SKA1: variants seen among roughly 807,000 people sequenced by gnomAD.
SKA1 encodes the protein spindle and kinetochore associated complex subunit 1.
SKA1 carries 20 observed loss-of-function variants against 31.8 expected under a neutral mutation model. The ratio of observed to expected loss-of-function variants is 0.63; its 90% CI spans 0.44 to 0.91. The LOEUF is 0.91. SKA1 is among the 40% of genes least tolerant of loss of function. SKA1 has a pLI of 0.00. For missense variants in SKA1, 253 were observed against 298.2 expected (o/e 0.85, Z 1.12); for synonymous variants, 88 against 100.5 (o/e 0.88, Z 0.74).
intron 4 of SKA1, among the ~76,000 whole-genome samples, chr18:50,384,296 A>G (rs1235251742): frequency 2.6e-5 from 4 of 152,210 alleles, no homozygotes; most frequent in Non-Finnish European, 5.9e-5. Context: ...TATTATGTGT[A>G]GTTATAGCAG....
At chr18:50,389,234 T>G (rs952184626) in intron 5 of SKA1, among the ~76,000 whole-genome samples, 1 of 152,090 alleles carries the variant, frequency 6.6e-6, no homozygotes, top group South Asian at 2.1e-4. Flanking sequence ...TAGTGTTACC[T>G]CCTACTTAAA....
intron 2 of SKA1, among the ~76,000 whole-genome samples, chr18:50,376,781 A>C (rs1190100003): frequency 6.6e-6 from 1 of 151,702 alleles, no homozygotes. Context: ...GTGTACAAAA[A>C]TATTTTTATA....
At chr18:50,382,014 C>T (rs2041267605) in intron 3 of SKA1, 115 bp from the exon 4 acceptor site, 17 of 661,228 alleles carry the variant, frequency 2.6e-5, no homozygotes, top group Admixed American at 4.0e-5. Flanking sequence ...CATGAGCCAC[C>T]GCGTCCAGCC....
Position 50,389,625 on chromosome 18 carries a change from G to A in SKA1, c.450-1499G>A, listed in dbSNP as rs1025846290. 3.3e-5 allele frequency among the ~76,000 whole-genome samples: 5 copies of A among 152,146 alleles called. No homozygotes were observed. In the East Asian group the frequency reaches 9.7e-4, roughly 29 times the overall value. ...TTGGCCAGGCTGGTCTCAAACTCCT[G>A]ACCTCAAGTGATCCACCTGCCTCGG... On this transcript the variant is annotated intron_variant, in intron 5 of 6. Coordinates refer to ENST00000285116, the MANE Select transcript of SKA1 (RefSeq NM_145060.4).
rs374176197 is a variant in SKA1 at position 50,377,388 on chromosome 18, T to G, written c.88+1470T>G. On this transcript the variant is annotated intron_variant, in intron 2 of 6. Coordinates refer to ENST00000285116, the MANE Select transcript of SKA1 (RefSeq NM_145060.4). Reference sequence around the variant, plus strand: ...TTATTAAAAGGCAAGTTAAAAAAACTGATGTAGAGCTCCATAGGGGTAAAA... The same window carrying G: ...TTATTAAAAGGCAAGTTAAAAAAACGGATGTAGAGCTCCATAGGGGTAAAA... 7.2e-5 allele frequency among the ~76,000 whole-genome samples: 11 copies of G among 152,306 alleles called. No individual in the cohort carries two copies. In the East Asian group the frequency reaches 9.6e-4, roughly 13 times the overall value.
At chr18:50,378,293 G>A (rs1417013375) in intron 2 of SKA1, among the ~76,000 whole-genome samples, 5 of 152,090 alleles carry the variant, frequency 3.3e-5, no homozygotes, top group African/African-American at 9.7e-5. Flanking sequence ...CTGTCATTTT[G>A]TATGGGGGGA....
intron 3 of SKA1, 106 bp downstream of exon 3, chr18:50,380,356 A>T: frequency 8.2e-7 from 1 of 1,216,412 alleles, no homozygotes; most frequent in Non-Finnish European, 1.1e-6. Context: ...TTTTGTTTAT[A>T]AATTATTAAT....
At chr18:50,379,335 AT>A in intron 2 of SKA1, among the ~76,000 whole-genome samples, 1 of 152,280 alleles carries the variant, frequency 6.6e-6, no homozygotes, top group Non-Finnish European at 1.5e-5. Flanking sequence ...ACCCAGGGTT[AT>A]CACCAGCTTG....
intron 2 of SKA1, among the ~76,000 whole-genome samples, chr18:50,376,747 G>A (rs2156134): frequency 0.72 from 109,918 of 151,950 alleles, 39,883 homozygotes; most frequent in East Asian, 0.81. Flanking sequence ...TTTTCTAATA[G>A]CTTAAAACAA....
In SKA1 at chr18:50,392,231, G is replaced by A. The variant is rs375685203; in HGVS notation, c.752G>A (p.Arg251His). The change falls in exon 7 of 7, where the codon CGT (arginine) becomes CAT (histidine). Residue 251 changes from arginine to histidine, a missense_variant. Physicochemically the swap from Arg to His is conservative, Grantham distance 29 (BLOSUM62 0). Coordinates refer to ENST00000285116, the MANE Select transcript of SKA1 (RefSeq NM_145060.4). ...LSEVRGGGLTRYVIT is the reference protein window; with the variant it reads ...LSEVRGGGLTHYVIT Reference sequence around the variant, plus strand: ...GAGGTCCGAGGGGGAGGACTTACTCGTTATGTTATAACCTGAGTCCCTTGT... The same window carrying A: ...GAGGTCCGAGGGGGAGGACTTACTCATTATGTTATAACCTGAGTCCCTTGT... The A allele has an allele frequency of 1.3e-5, 21 of 1,591,364 alleles. No individual in the cohort carries two copies. The highest frequency in any genetic ancestry group is 6.7e-5 in the East Asian group (3 of 44,518).
intron 5 of SKA1, among the ~76,000 whole-genome samples, chr18:50,386,282 T>G (rs2041306922): frequency 6.6e-6 from 1 of 152,226 alleles, no homozygotes; most frequent in Non-Finnish European, 1.5e-5. Context: ...TAGACAAGGC[T>G]GTTTTGCAAT....
At chr18:50,376,748 C>G (rs746404794) in intron 2 of SKA1, among the ~76,000 whole-genome samples, 2 of 152,026 alleles carry the variant, frequency 1.3e-5, no homozygotes, top group Non-Finnish European at 2.9e-5. Context: ...TTTCTAATAG[C>G]TTAAAACAAA....
rs188799348 is a variant in SKA1 at position 50,391,378 on chromosome 18, T to C, written c.619+85T>C. ...AGAAATGTAGCTAGTTCTAGAAAAT[T>C]CTAAATCTAGAGTGTTAATTCCCAA... On this transcript the variant is annotated intron_variant, in intron 6 of 6. Coordinates refer to ENST00000285116, the MANE Select transcript of SKA1 (RefSeq NM_145060.4). 522 of 1,247,730 alleles carry C rather than the reference T, an allele frequency of 4.2e-4. 1 individual carries two copies. In the African/African-American group the frequency reaches 7.2e-3, roughly 17 times the overall value. The allele number at this position is 1,247,730 out of a possible 1,614,324, so 77.3% of individuals were successfully genotyped here. A position where few individuals can be genotyped will look rare whatever the true frequency, so the allele number is the denominator to read the frequency against.
chr18:50,389,745 C>G (rs925212431), intron 5 of SKA1, among the ~76,000 whole-genome samples: 1 of 152,184 alleles, frequency 6.6e-6, no homozygotes, highest in African/African-American at 2.4e-5. Flanking sequence ...GTTTGATGCT[C>G]TGATGCTATT....
intron 5 of SKA1, 99 bp downstream of exon 5, chr18:50,385,452 A>C (rs1184978693): frequency 7.3e-6 from 8 of 1,091,184 alleles, no homozygotes; most frequent in Non-Finnish European, 1.0e-5. Context: ...TGCTATGTTC[A>C]AATATTGATC....
chr18:50,377,184 G>C (rs910770357), intron 2 of SKA1, among the ~76,000 whole-genome samples: 1 of 151,870 alleles, frequency 6.6e-6, no homozygotes, highest in Non-Finnish European at 1.5e-5. Flanking sequence ...TTGTAATACT[G>C]GCATTAGAGT....
chr18:50,383,308 C>T (rs1444846611), intron 4 of SKA1, among the ~76,000 whole-genome samples: 1 of 152,252 alleles, frequency 6.6e-6, no homozygotes, highest in East Asian at 1.9e-4. Context: ...GTTTTCTGCC[C>T]TGCCACTGTG....
In SKA1 at chr18:50,380,244, A is replaced by T. The variant is rs747336967; in HGVS notation, c.207A>T (p.Ser69=). 2 of 1,543,372 alleles carry T rather than the reference A, an allele frequency of 1.3e-6. No individual in the cohort carries two copies. The highest frequency in any genetic ancestry group is 5.0e-5 in the East Asian group (2 of 40,294). ...EIQYQEQTNN[S]LKELCESLEE... ...AGTATCAAGAACAAACCAACAATTC[A>T]CTCAAGGTAATGTTTCTCTAATGAG... The change falls in exon 3 of 7, where the codon TCA becomes TCT. Residue 69 remains serine (S), a synonymous_variant. Coordinates refer to ENST00000285116, the MANE Select transcript of SKA1 (RefSeq NM_145060.4).
chr18:50,385,077 T>C (rs1168021106), intron 4 of SKA1, 139 bp from the exon 5 acceptor site: 1 of 649,694 alleles, frequency 1.5e-6, no homozygotes, highest in Admixed American at 2.9e-5. Flanking sequence ...ACAATAGACA[T>C]AGGGATAGAA....
Sources: gnomAD v4.1 joint callset for allele counts (sites outside exome capture counted in the v4.1 genomes callset) on GRCh38, gnomAD v4.1.1 for gene constraint, MANE v1.5 for transcripts, NCBI Gene and HGNC (gene_info 2026-07-23, HGNC 2026-07-21) for gene names.